TEX14: variants seen among roughly 807,000 people sequenced by gnomAD.
The protein encoded by TEX14 is inactive serine/threonine-protein kinase TEX14.
Under a neutral mutation model 178.6 loss-of-function variants are expected in TEX14, and 168 were observed. The observed-to-expected ratio is 0.94, with a 90% CI of 0.83 to 1.07. The LOEUF (loss-of-function observed/expected upper bound fraction) is 1.07. Ranked by LOEUF, TEX14 falls within the 50% of genes least tolerant of loss-of-function variation. The pLI is 0.00. For missense variants in TEX14, 1,730 were observed against 1,753.6 expected, an observed-to-expected ratio of 0.99 and a Z score of 0.24; for synonymous variants, 626 against 634.1, an observed-to-expected ratio of 0.99 and a Z score of 0.19.
At chr17:58,591,817 G>T (rs1169153444) in intron 15 of TEX14, among the ~76,000 whole-genome samples, 2 of 151,870 alleles carry the variant, frequency 1.3e-5, no homozygotes, top group African/African-American at 4.8e-5. Context: ...CAGTACTTTG[G>T]GAGGCTGAGG....
chr17:58,642,704 G>A (rs1046306046), intron 2 of TEX14, among the ~76,000 whole-genome samples: 3 of 151,794 alleles, frequency 2.0e-5, no homozygotes, highest in African/African-American at 7.3e-5. Context: ...TTCATCCAAG[G>A]GTCCTATCTC....
intron 1 of TEX14, among the ~76,000 whole-genome samples, chr17:58,677,119 C>CA (rs35953337): frequency 0.043 from 3,357 of 78,344 alleles, 93 homozygotes; most frequent in African/African-American, 0.11. Context: ...AACTCCGTCT[C>CA]AAAAAAAAAA....
chr17:58,602,028 T>C, intron 12 of TEX14, 72 bp from the exon 13 acceptor site: 1 of 1,505,244 alleles, frequency 6.6e-7, no homozygotes, highest in Non-Finnish European at 9.1e-7. Flanking sequence ...TTAGAAACCA[T>C]CTAAGTATCT....
At chr17:58,648,122 G>C (rs1025689690) in intron 2 of TEX14, 1 of 152,244 alleles carries the variant, frequency 6.6e-6, no homozygotes, top group Non-Finnish European at 1.5e-5. Context: ...GCTGAGGCAA[G>C]GGGGAGAACC....
At chr17:58,564,050 A>T (rs2144337800) in intron 28 of TEX14, 1 of 152,258 alleles carries the variant, frequency 6.6e-6, no homozygotes, top group African/African-American at 2.4e-5. Flanking sequence ...GTTGGCAAGG[A>T]TGTGGAGAAA....
intron 14 of TEX14, among the ~76,000 whole-genome samples, chr17:58,595,010 C>G (rs754612370): frequency 6.6e-6 from 1 of 152,042 alleles, no homozygotes; most frequent in African/African-American, 2.4e-5. Flanking sequence ...GATCCAGAGG[C>G]CTTTGTATGG....
Position 58,587,952 on chromosome 17 carries a change from C to A in TEX14, c.2646G>T (p.Leu882=). The A allele has an allele frequency of 6.2e-7, 1 of 1,612,684 alleles. No individual in the cohort carries two copies. Among genetic ancestry groups the A allele is most frequent in the African/African-American group, 1.3e-5 (1 of 74,892 alleles). ...CAGAAGGTCCCTGCCGGTGGCTTGA[C>A]AGAGTGAAGAGTGCACTATTAAACT... is the stretch of plus-strand genomic sequence containing the variant. The part of the protein sequence containing the change: ...ATQFNSALFT[L]SSHRQGPSAS... The change falls in exon 16 of 32, where the codon CTG becomes CTT. Residue 882 remains leucine, a synonymous_variant. Transcript: ENST00000349033.
At chr17:58,687,272 C>T (rs2047617772) in intron 1 of TEX14, among the ~76,000 whole-genome samples, 1 of 152,116 alleles carries the variant, frequency 6.6e-6, no homozygotes, top group South Asian at 2.1e-4. Context: ...CTTCTCCCAC[C>T]TCCCTTCTCA....
At chr17:58,618,831 A>C (rs2045933979) in intron 5 of TEX14, among the ~76,000 whole-genome samples, 1 of 152,246 alleles carries the variant, frequency 6.6e-6, no homozygotes, top group African/African-American at 2.4e-5. Context: ...GAAGACTCTG[A>C]TGTTTAGACT....
intron 10 of TEX14, among the ~76,000 whole-genome samples, chr17:58,610,768 C>T (rs1266698773): frequency 6.6e-6 from 1 of 151,894 alleles, no homozygotes; most frequent in African/African-American, 2.4e-5. Context: ...CACCTGTAAC[C>T]CCAGCTACTC....
At chr17:58,683,939 C>T (rs2047546643) in intron 1 of TEX14, among the ~76,000 whole-genome samples, 1 of 150,978 alleles carries the variant, frequency 6.6e-6, no homozygotes, top group Non-Finnish European at 1.5e-5. Flanking sequence ...GTGGTGCATC[C>T]CTGTCATCCC....
chr17:58,616,852 G>A (rs2045884511), intron 6 of TEX14, among the ~76,000 whole-genome samples: 1 of 152,230 alleles, frequency 6.6e-6, no homozygotes, highest in Non-Finnish European at 1.5e-5. Flanking sequence ...CCATTGCTGG[G>A]ACTGAGAAGC....
chr17:58,564,191 T>C (rs2044349618), intron 28 of TEX14: 1 of 152,158 alleles, frequency 6.6e-6, no homozygotes, highest in Non-Finnish European at 1.5e-5. Flanking sequence ...TGGGTATATA[T>C]CCAAAAGAAT....
In TEX14 at chr17:58,569,223, T is replaced by A; in HGVS notation, c.3855A>T (p.Pro1285=). The A allele has an allele frequency of 1.2e-6, 2 of 1,614,122 alleles. No homozygotes were observed. The highest frequency in any genetic ancestry group is 1.7e-6 in the Non-Finnish European group (2 of 1,179,964). The change falls in exon 26 of 32, where the codon CCA becomes CCT. Residue 1285 remains proline, a synonymous_variant. Coordinates refer to ENST00000349033, the MANE Select transcript of TEX14 (RefSeq NM_031272.5). This position sits in a 1 kb window ranked among gnomAD's most constrained non-coding sequence, Gnocchi z 4.1. ...CATCAAGTAGCTCCTGAGATGGTGG[T>A]GGCAGCTCATCAATGTGATGCTGTG... ...AFSQHHIDEL[P]PPSQELLDDI...
chr17:58,635,429 T>TC (rs1491450077), intron 2 of TEX14, among the ~76,000 whole-genome samples: 46 of 101,202 alleles, frequency 4.5e-4, no homozygotes, highest in African/African-American at 2.4e-3. Flanking sequence ...GGCTTCTCTC[T>TC]TTTTTTTTTT....
chr17:58,636,602 G>A (rs1368235011), intron 2 of TEX14, among the ~76,000 whole-genome samples: 3 of 152,130 alleles, frequency 2.0e-5, no homozygotes, highest in Non-Finnish European at 2.9e-5. Context: ...TAAAGTCCAC[G>A]CACTATACCA....
At chr17:58,681,207 C>T (rs776476725) in intron 1 of TEX14, among the ~76,000 whole-genome samples, 12 of 152,034 alleles carry the variant, frequency 7.9e-5, no homozygotes, top group Admixed American at 7.2e-4. Context: ...TGCAGTGAGC[C>T]GAGACTGTGC....
At chr17:58,644,795 C>T (rs1320153166) in intron 2 of TEX14, among the ~76,000 whole-genome samples, 2 of 148,794 alleles carry the variant, frequency 1.3e-5, no homozygotes, top group Admixed American at 6.7e-5. Flanking sequence ...GGATTATAGG[C>T]GCCCGCCACC....
intron 1 of TEX14, chr17:58,677,594 G>C (rs1296983348): frequency 2.6e-5 from 4 of 152,212 alleles, no homozygotes; most frequent in African/African-American, 9.6e-5. Flanking sequence ...TGTGAACACA[G>C]TCGCCCACTA....
Sources: allele counts gnomAD v4.1 joint callset (sites outside exome capture counted in the v4.1 genomes callset), GRCh38; gene constraint gnomAD v4.1.1; non-coding constraint Gnocchi (gnomAD v3.1); transcripts MANE v1.5; gene names NCBI Gene and HGNC (gene_info 2026-07-23, HGNC 2026-07-21).